Variants in ZSWIM5 observed in about 807,000 individuals in gnomAD.
ZSWIM5 encodes zinc finger SWIM-type containing 5.
Under a neutral mutation model 119.6 loss-of-function variants are expected in ZSWIM5, and 55 were observed. The observed-to-expected ratio is 0.46, with a 90% CI of 0.37 to 0.58. The LOEUF (loss-of-function observed/expected upper bound fraction) is 0.58, where lower values mean the gene tolerates loss of function less well. Among genes scored for constraint, ZSWIM5 ranks in the 20% least tolerant of loss-of-function variants. The pLI, the probability that ZSWIM5 is intolerant of heterozygous loss-of-function variation, is 0.00. For synonymous variants in ZSWIM5, 537 were observed against 606.9 expected (o/e 0.88, Z 1.69); for missense variants, 1,193 against 1,512.8 (o/e 0.79, Z 3.51).
intron 5 of ZSWIM5, among the ~76,000 whole-genome samples, chr1:45,045,412 T>C (rs1178074489): frequency 6.6e-6 from 1 of 152,216 alleles, no homozygotes; most frequent in East Asian, 1.9e-4. Flanking sequence ...GAATTCATAC[T>C]GAATATGAAA....
chr1:45,131,415 GA>G (rs1285065514), intron 1 of ZSWIM5, among the ~76,000 whole-genome samples: 8 of 152,076 alleles, frequency 5.3e-5, no homozygotes, highest in African/African-American at 1.9e-4. Context: ...CAGTGGTGGG[GA>G]AGTCAGGCAT....
At chr1:45,181,680 A>G (rs1288306175) in intron 1 of ZSWIM5, among the ~76,000 whole-genome samples, 1 of 152,146 alleles carries the variant, frequency 6.6e-6, no homozygotes, top group African/African-American at 2.4e-5. Flanking sequence ...GCAGCCAGAG[A>G]GAAAGGTCAG....
At chr1:45,125,804 G>A (rs899557479) in intron 1 of ZSWIM5, among the ~76,000 whole-genome samples, 2 of 151,270 alleles carry the variant, frequency 1.3e-5, no homozygotes, top group Admixed American at 1.3e-4. Flanking sequence ...AATGGCTCAT[G>A]CCTATAATCC....
intron 1 of ZSWIM5, among the ~76,000 whole-genome samples, chr1:45,185,944 A>C (rs1387606376): frequency 6.6e-6 from 1 of 152,212 alleles, no homozygotes; most frequent in African/African-American, 2.4e-5. Context: ...ATAAAGACAC[A>C]TGCACACGTA....
chr1:45,101,486 TTCC>T (rs2149017603), intron 1 of ZSWIM5, among the ~76,000 whole-genome samples: 1 of 152,324 alleles, frequency 6.6e-6, no homozygotes, highest in South Asian at 2.1e-4. Flanking sequence ...AGTGTGGCGA[TTCC>T]TCAAGGATGT....
intron 5 of ZSWIM5, among the ~76,000 whole-genome samples, chr1:45,049,732 T>C (rs944737206): frequency 1.3e-5 from 2 of 152,098 alleles, no homozygotes; most frequent in African/African-American, 4.8e-5. Flanking sequence ...CAGAATTGCT[T>C]GAACCTGGGA....
chr1:45,118,723 CAG>C, intron 1 of ZSWIM5, among the ~76,000 whole-genome samples: 1 of 119,434 alleles, frequency 8.4e-6, no homozygotes, highest in Non-Finnish European at 1.7e-5. Context: ...GCCTGGGTGA[CAG>C]AGAACCTGTC....
chr1:45,144,742 GTGACC>G (rs1387948745), intron 1 of ZSWIM5, among the ~76,000 whole-genome samples: 3 of 152,128 alleles, frequency 2.0e-5, no homozygotes, highest in Admixed American at 1.3e-4. Flanking sequence ...GGATATCTTT[GTGACC>G]TGGGATTAGG....
intron 2 of ZSWIM5, among the ~76,000 whole-genome samples, chr1:45,067,342 G>A (rs547644914): frequency 6.6e-6 from 1 of 152,104 alleles, no homozygotes; most frequent in East Asian, 1.9e-4. Flanking sequence ...GGGAGGCTGA[G>A]GTGGGAGGAT....
chr1:45,087,948 A>C lies in ZSWIM5; in HGVS notation c.885T>G (p.Val295=). The change falls in exon 2 of 14, where the codon GTT becomes GTG. Residue 295 remains valine, a synonymous_variant. Transcript: ENST00000359600. ...CTGCCAGTTTCTGTGCAGTAGGAAG[A>C]ACTTCAGTGTGGTGTGCCGTGATTA... The part of the protein sequence containing the change: ...QYLITAHHTE[V]LPTAQKLADE... The C allele has an allele frequency of 6.2e-7, 1 of 1,614,162 alleles. No homozygotes were observed.
At chr1:45,205,605 G>T in intron 1 of ZSWIM5, 151 bp downstream of exon 1, 1 of 722,016 alleles carries the variant, frequency 1.4e-6, no homozygotes, top group Non-Finnish European at 2.0e-6. Context: ...TGAGTGAAAG[G>T]TTGAAAAAAG....
intron 2 of ZSWIM5, among the ~76,000 whole-genome samples, chr1:45,061,452 C>T (rs1301688908): frequency 6.6e-6 from 1 of 151,332 alleles, no homozygotes; most frequent in Admixed American, 6.6e-5. Context: ...CTCACTGCAA[C>T]CTCCACCTCC....
chr1:45,040,364 G>C (rs1055670586), intron 7 of ZSWIM5, 28 bp downstream of exon 7: 1 of 1,571,364 alleles, frequency 6.4e-7, no homozygotes, highest in South Asian at 1.2e-5. Flanking sequence ...TGGGCCTAAG[G>C]GGGTTAGATG....
intron 2 of ZSWIM5, among the ~76,000 whole-genome samples, chr1:45,066,222 C>T (rs966709564): frequency 1.3e-5 from 2 of 151,346 alleles, no homozygotes; most frequent in African/African-American, 4.9e-5. Context: ...ATAGTATTCC[C>T]CCCCATGGAG....
Position 45,205,677 on chromosome 1 carries a change from G to A in ZSWIM5, c.595+79C>T. The A allele has an allele frequency of 2.9e-6, 4 of 1,358,580 alleles. No homozygotes were observed. In the South Asian group the frequency reaches 5.3e-5, roughly 18 times the overall value. 84.2% of individuals were successfully genotyped at this position (1,358,580 alleles called of 1,614,324 possible). ...GAGTTGGGCAGAAGGCCGGGGTCTC[G>A]GCCCCAGGGCTCGGGCCGAGAAGAG... On this transcript the variant is annotated intron_variant, in intron 1 of 13. Transcript: ENST00000359600.
intron 2 of ZSWIM5, among the ~76,000 whole-genome samples, chr1:45,075,559 C>A (rs1369757057): frequency 6.6e-6 from 1 of 152,124 alleles, no homozygotes; most frequent in Non-Finnish European, 1.5e-5. Flanking sequence ...ACATGAAATA[C>A]CTTTTTCAAT....
intron 2 of ZSWIM5, among the ~76,000 whole-genome samples, chr1:45,064,742 T>C (rs979099165): frequency 6.6e-6 from 1 of 152,186 alleles, no homozygotes; most frequent in African/African-American, 2.4e-5. Flanking sequence ...ATAACAACTC[T>C]ATGAGGCCAT....
rs761534239 is a variant in ZSWIM5 at position 45,092,538 on chromosome 1, A to ACCCC, written c.596-4305_596-4302dup. On this transcript the variant is annotated intron_variant, in intron 1 of 13. Transcript: ENST00000359600. ...TCTTGAACTTGTGACCTCGTGATCC[A>ACCCC]CCCCCCCCCCCCCGCCAGCCTTACA... Among the ~76,000 whole-genome samples the ACCCC allele has an allele frequency of 4.0e-4, 23 of 57,430 alleles. No homozygotes were observed. The East Asian group carries it at 4.4e-3, about 11-fold the overall frequency. 37.7% of individuals were successfully genotyped at this position (57,430 alleles called of 152,430 possible).
chr1:45,146,421 T>C (rs1645760335), intron 1 of ZSWIM5, among the ~76,000 whole-genome samples: 1 of 148,410 alleles, frequency 6.7e-6, no homozygotes, highest in Non-Finnish European at 1.5e-5. Context: ...TACAAGTATC[T>C]GTTTCTAGAC....
Sources: gnomAD v4.1 joint callset for allele counts (sites outside exome capture counted in the v4.1 genomes callset) on GRCh38, gnomAD v4.1.1 for gene constraint, MANE v1.5 for transcripts, NCBI Gene and HGNC (gene_info 2026-07-23, HGNC 2026-07-21) for gene names.